CCDC102B: variants seen among roughly 807,000 people sequenced by gnomAD.
The protein encoded by CCDC102B is coiled-coil domain containing 102B, also known as coiled-coil domain-containing protein 102B.
A neutral mutation model predicts 57.4 loss-of-function variants in CCDC102B; 75 were observed. The observed-to-expected ratio is 1.31, with a 90% CI of 1.08 to 1.58. The LOEUF (loss-of-function observed/expected upper bound fraction) is 1.58, where lower values mean the gene tolerates loss of function less well. Among genes scored for constraint, CCDC102B ranks in the 40% most tolerant of loss-of-function variants. The probability of loss-of-function intolerance (pLI) is 0.00; values close to 1 mark genes in which losing one functional copy is unlikely to be tolerated. For missense variants in CCDC102B, 636 were observed against 582.6 expected, an observed-to-expected ratio of 1.09 and a Z score of -0.94; for synonymous variants, 206 against 201.9, an observed-to-expected ratio of 1.02 and a Z score of -0.17.
chr18:68,730,267 A>T (rs187072362), intron 2 of CCDC102B, among the ~76,000 whole-genome samples: 4 of 152,332 alleles, frequency 2.6e-5, no homozygotes, highest in Non-Finnish European at 5.9e-5. Flanking sequence ...ATCCATTAAA[A>T]ATATAAAAAT....
In CCDC102B at chr18:69,042,965, C is replaced by T. The variant is rs959524481; in HGVS notation, c.1435-11065C>T. ...GTATAGAGAAAGAAATAAGTGGACC[C>T]GGGGAACCAGCGTTCAGCATATGGA... On this transcript the variant is annotated intron_variant, in intron 7 of 7. Coordinates refer to ENST00000360242, the MANE Select transcript of CCDC102B (RefSeq NM_024781.3). Among the ~76,000 whole-genome samples, 38 of 152,042 alleles carry T rather than the reference C, an allele frequency of 2.5e-4. 1 individual carries two copies. In the Middle Eastern group the frequency reaches 0.01, roughly 41 times the overall value.
chr18:68,817,961 A>G (rs7232145), intron 1 of CCDC102B, among the ~76,000 whole-genome samples: 65,620 of 151,988 alleles, frequency 0.43, 15,466 homozygotes, highest in East Asian at 0.86. Context: ...TATATTCCTT[A>G]TAGTAAAGAT....
rs565376654 is a variant in CCDC102B, at chr18:68,737,811, C to T, written c.-67+21217C>T. On this transcript the variant is annotated intron_variant, in intron 2 of 3. Coordinates refer to the CCDC102B transcript ENST00000578970. ...ACTTCACTAGCACAAAGAACATAAA[C>T]TGAGCAGTAATAACTTTAAGTTTAG... Among the ~76,000 whole-genome samples, 16 of 152,110 alleles carry T rather than the reference C, an allele frequency of 1.1e-4. 1 individual carries two copies. In the South Asian group the frequency reaches 3.1e-3, roughly 30 times the overall value.
chr18:68,789,221 C>T (rs1299412950), intron 2 of CCDC102B, among the ~76,000 whole-genome samples: 3 of 152,122 alleles, frequency 2.0e-5, no homozygotes. Context: ...ATGGGCTTCC[C>T]TTTGAGGGTA....
At chr18:69,034,790 C>T (rs1381641837) in intron 7 of CCDC102B, among the ~76,000 whole-genome samples, 1 of 151,498 alleles carries the variant, frequency 6.6e-6, no homozygotes, top group Non-Finnish European at 1.5e-5. Context: ...AATATATATA[C>T]ACACATACAT....
chr18:68,975,522 T>C (rs951271680), intron 6 of CCDC102B, among the ~76,000 whole-genome samples: 3 of 152,016 alleles, frequency 2.0e-5, no homozygotes, highest in Admixed American at 6.6e-5. Flanking sequence ...GTAAAACTGT[T>C]TCTGAGTCCT....
chr18:68,780,497 G>A (rs2034972285), intron 2 of CCDC102B, among the ~76,000 whole-genome samples: 1 of 148,174 alleles, frequency 6.7e-6, no homozygotes, highest in Admixed American at 6.7e-5. Flanking sequence ...TTCCATAAAA[G>A]TTTATTCACA....
At chr18:68,858,270 G>A (rs55854286) in intron 4 of CCDC102B, among the ~76,000 whole-genome samples, 5,087 of 152,192 alleles carry the variant, frequency 0.033, 209 homozygotes, top group African/African-American at 0.096. Flanking sequence ...CCTGCATAGA[G>A]ATTCATCATT....
At chr18:68,750,242 G>A (rs1162622691) in intron 2 of CCDC102B, among the ~76,000 whole-genome samples, 1 of 152,142 alleles carries the variant, frequency 6.6e-6, no homozygotes, top group Admixed American at 6.5e-5. Context: ...ACCACAATGA[G>A]ATACCATCTC....
In CCDC102B at chr18:68,968,816, T is replaced by C. The variant is rs547046608; in HGVS notation, c.1264-42118T>C. 4.7e-4 allele frequency among the ~76,000 whole-genome samples: 71 copies of C among 152,234 alleles called. 1 individual carries two copies. The highest frequency in any genetic ancestry group is 3.3e-3 in the South Asian group (16 of 4,824). On this transcript the variant is annotated intron_variant, in intron 6 of 7. Coordinates refer to ENST00000360242, the MANE Select transcript of CCDC102B (RefSeq NM_024781.3). ...AGTAGTTATTCTCATGACGGACAGA[T>C]TTTACTTAGCATAATGTCTTCGAGG...
Position 69,055,034 on chromosome 18 carries a change from T to A in CCDC102B, c.*897T>A. ...GTTATTTTGAACAAAAAGACACTTA[T>A]AATTTTCCATACCTATTTTCAACTG... On this transcript the variant is annotated 3_prime_UTR_variant, in exon 8 of 8. Coordinates refer to ENST00000360242, the MANE Select transcript of CCDC102B (RefSeq NM_024781.3). 2 of 982,868 alleles carry A rather than the reference T, an allele frequency of 2.0e-6. No individual in the cohort carries two copies. Among genetic ancestry groups the A allele is most frequent in the Non-Finnish European group, 2.4e-6 (2 of 827,618 alleles). The allele number at this position is 982,868 out of a possible 1,614,324, so 60.9% of individuals were successfully genotyped here.
At chr18:68,999,467 A>G (rs62096580) in intron 6 of CCDC102B, among the ~76,000 whole-genome samples, 1 of 150,768 alleles carries the variant, frequency 6.6e-6, no homozygotes, top group Admixed American at 6.6e-5. Flanking sequence ...AAAACCCAGT[A>G]TGGTGGTGCA....
chr18:68,996,053 C>T lies in CCDC102B; in HGVS notation c.1264-14881C>T, dbSNP rs545916236. ...ATTTGTGATGGTTAATATTGAGTGT[C>T]AACTTGATTAGACTGAAAGATGCAA... On this transcript the variant is annotated intron_variant, in intron 6 of 7. Transcript: ENST00000360242. Among the ~76,000 whole-genome samples, 7 of 152,276 alleles carry T rather than the reference C, an allele frequency of 4.6e-5. No individual in the cohort carries two copies. The East Asian group carries it at 1.2e-3, about 25-fold the overall frequency.
chr18:68,974,938 T>A (rs941173781), intron 6 of CCDC102B, among the ~76,000 whole-genome samples: 14 of 151,988 alleles, frequency 9.2e-5, no homozygotes, highest in African/African-American at 3.4e-4. Flanking sequence ...TAGGCTTTTT[T>A]AAATATACAG....
At chr18:68,969,492 T>G (rs1159455430) in intron 6 of CCDC102B, among the ~76,000 whole-genome samples, 2 of 148,306 alleles carry the variant, frequency 1.3e-5, no homozygotes, top group Non-Finnish European at 3.0e-5. Flanking sequence ...TTTTTTTTTT[T>G]CGTTCCTTGT....
At chr18:69,008,149 C>A (rs2145382264) in intron 6 of CCDC102B, among the ~76,000 whole-genome samples, 1 of 152,242 alleles carries the variant, frequency 6.6e-6, no homozygotes, top group South Asian at 2.1e-4. Flanking sequence ...CAAGAAAGAT[C>A]TTTTTTTAAA....
chr18:68,819,515 T>C (rs1017651558), intron 1 of CCDC102B, among the ~76,000 whole-genome samples: 18 of 152,026 alleles, frequency 1.2e-4, no homozygotes, highest in Admixed American at 7.2e-4. Context: ...AATATAATTC[T>C]GTAAATTTGT....
In CCDC102B at chr18:68,936,479, G is replaced by T. The variant is rs116196003; in HGVS notation, c.1263+39051G>T. Among the ~76,000 whole-genome samples the T allele has an allele frequency of 6.1e-3, 924 of 152,070 alleles. 8 individuals are homozygous for T. The highest frequency in any genetic ancestry group is 0.02 in the African/African-American group (846 of 41,516). ...CCCCTTGGTATAGAAGGAATAGATTGTTACAGGAGTCTTAGTTTTCTACTT... is the reference window on the plus strand; with the variant it reads ...CCCCTTGGTATAGAAGGAATAGATTTTTACAGGAGTCTTAGTTTTCTACTT... On this transcript the variant is annotated intron_variant, in intron 6 of 7. Transcript: ENST00000360242.
At chr18:68,886,385 A>AG (rs2039885030) in intron 5 of CCDC102B, among the ~76,000 whole-genome samples, 2 of 151,954 alleles carry the variant, frequency 1.3e-5, no homozygotes, top group African/African-American at 2.4e-5. Context: ...TGAAAAAAAA[A>AG]TTTTCAGTAA....
Sources: allele counts gnomAD v4.1 joint callset (sites outside exome capture counted in the v4.1 genomes callset), GRCh38; gene constraint gnomAD v4.1.1; transcripts MANE v1.5; gene names NCBI Gene and HGNC (gene_info 2026-07-23, HGNC 2026-07-21).